The following MYOF variants were observed in gnomAD, a reference collection of about 807,000 sequenced individuals.
The protein encoded by MYOF is fer-1-like 3, myoferlin.
In MYOF, 244 loss-of-function variants were observed where a neutral mutation model predicts 284.2. The ratio of observed to expected loss-of-function variants is 0.86; its 90% CI spans 0.77 to 0.95. MYOF has a LOEUF of 0.95. MYOF is among the 40% of genes least tolerant of loss of function. The pLI is 0.00. For synonymous variants in MYOF, 904 were observed against 919.7 expected (o/e 0.98, Z 0.31); for missense variants, 2,496 against 2,560.6 (o/e 0.97, Z 0.54).
Position 93,377,342 on chromosome 10 carries a change from C to A in MYOF, c.2089G>T (p.Glu697Ter), listed in dbSNP as rs566519894. The A allele has an allele frequency of 6.2e-7, 1 of 1,613,796 alleles. No homozygotes were observed. Among genetic ancestry groups the A allele is most frequent in the Non-Finnish European group, 8.5e-7 (1 of 1,179,858 alleles). The change falls in exon 22 of 54, where the codon GAA (glutamate) becomes TAA (stop). Residue 697 changes from glutamate to a stop codon, truncating the protein, a stop_gained. Transcript: ENST00000359263. LOFTEE classifies it high-confidence loss of function. ...CTGTACCTCGTGTCTTCTATAACTT[C>A]ATCTATCAGCTTCAGCCACAATTCA... ...LAELWLKLID[E>*]VIEDTRYTLP...
rs749320923 is a variant in MYOF at position 93,353,798 on chromosome 10, T to C, written c.3481+13A>G. The C allele has an allele frequency of 1.9e-6, 3 of 1,599,754 alleles. No homozygotes were observed. The highest frequency in any genetic ancestry group is 2.7e-5 in the African/African-American group (2 of 74,182). ...TGTAATCATGTGTAGCATGTAGATT[T>C]TTTTTCCTTTACCTGAAAAGCTATC... On this transcript the variant is annotated intron_variant, in intron 32 of 53. Transcript: ENST00000359263.
chr10:93,479,541 C>T (rs1453968539), intron 1 of MYOF, among the ~76,000 whole-genome samples: 2 of 152,124 alleles, frequency 1.3e-5, no homozygotes, highest in Non-Finnish European at 2.9e-5. Context: ...TGCTATATCC[C>T]CTCCAGCACC....
chr10:93,447,643 G>A (rs1329162099), intron 3 of MYOF, among the ~76,000 whole-genome samples: 1 of 152,136 alleles, frequency 6.6e-6, no homozygotes, highest in African/African-American at 2.4e-5. Flanking sequence ...AATTTTGAGC[G>A]CTAGCTGTCT....
intron 39 of MYOF, chr10:93,338,444 A>C (rs1440239612): frequency 2.2e-6 from 1 of 456,930 alleles, no homozygotes; most frequent in Middle Eastern, 3.3e-4. Flanking sequence ...GTTGTTTAAC[A>C]TCTCTGAGCA....
intron 5 of MYOF, among the ~76,000 whole-genome samples, chr10:93,419,218 C>T (rs371663723): frequency 2.6e-4 from 40 of 152,004 alleles, no homozygotes; most frequent in African/African-American, 9.4e-4. Flanking sequence ...GCTAGAGTGC[C>T]ATGGCGCAAT....
chr10:93,370,189 T>G (rs1403302465), intron 24 of MYOF, among the ~76,000 whole-genome samples: 1 of 152,064 alleles, frequency 6.6e-6, no homozygotes, highest in Non-Finnish European at 1.5e-5. Flanking sequence ...AAAGTAATAG[T>G]AATAATAACA....
At chr10:93,481,811 C>A (rs1230650655) in intron 1 of MYOF, among the ~76,000 whole-genome samples, 1 of 152,170 alleles carries the variant, frequency 6.6e-6, no homozygotes, top group East Asian at 1.9e-4. Context: ...TGAACCAATA[C>A]AGATGTTTGT....
intron 19 of MYOF, 87 bp from the exon 20 acceptor site, chr10:93,381,483 CTAA>C: frequency 7.5e-7 from 1 of 1,338,076 alleles, no homozygotes; most frequent in Non-Finnish European, 1.0e-6. Context: ...AATTCTACAC[CTAA>C]TAATTAGTGC....
chr10:93,471,141 C>T (rs1317267124), intron 1 of MYOF, among the ~76,000 whole-genome samples: 2 of 151,986 alleles, frequency 1.3e-5, no homozygotes, highest in East Asian at 3.9e-4. Context: ...TAATACTTTA[C>T]ATTACAAGAA....
chr10:93,321,356 G>C (rs558274226), intron 48 of MYOF, among the ~76,000 whole-genome samples: 43 of 149,204 alleles, frequency 2.9e-4, no homozygotes, highest in Non-Finnish European at 4.4e-4. Flanking sequence ...TTTCCTTTTT[G>C]CTAGTCAATT....
At chr10:93,447,055 A>T (rs1259932877) in intron 3 of MYOF, among the ~76,000 whole-genome samples, 3 of 152,182 alleles carry the variant, frequency 2.0e-5, no homozygotes, top group African/African-American at 4.8e-5. Context: ...CATAACACCA[A>T]GTGCAACATA....
intron 25 of MYOF, 132 bp downstream of exon 25, chr10:93,369,513 C>T (rs1055414172): frequency 2.3e-5 from 30 of 1,299,514 alleles, no homozygotes; most frequent in Admixed American, 2.3e-5. Context: ...AAGATCCCTT[C>T]GATGGGATTT....
chr10:93,389,244 A>C (rs1336483896), intron 17 of MYOF, 90 bp from the exon 18 acceptor site: 1 of 1,393,350 alleles, frequency 7.2e-7, no homozygotes, highest in Non-Finnish European at 9.4e-7. Context: ...AGGTGAGACT[A>C]TTTTCCTCCA....
intron 51 of MYOF, among the ~76,000 whole-genome samples, chr10:93,311,417 C>A (rs1000650666): frequency 1.3e-5 from 2 of 148,544 alleles, no homozygotes; most frequent in African/African-American, 5.0e-5. Flanking sequence ...CAAGACCAGC[C>A]TGGCCAACAT....
intron 17 of MYOF, 25 bp from the exon 18 acceptor site, chr10:93,389,179 G>C: frequency 3.1e-6 from 5 of 1,605,358 alleles, no homozygotes; most frequent in Non-Finnish European, 4.2e-6. Context: ...TCATCATGAG[G>C]TGTTAGGCTT....
chr10:93,356,751 C>T lies in MYOF; in HGVS notation c.3218G>A (p.Arg1073His), dbSNP rs755201286. 26 of 1,614,050 alleles carry T rather than the reference C, an allele frequency of 1.6e-5. No homozygotes were observed. The highest frequency in any genetic ancestry group is 4.0e-5 in the African/African-American group (3 of 74,924). The change falls in exon 30 of 54, where the codon CGC becomes CAC. Residue 1073 changes from arginine to histidine, a missense_variant. By Grantham distance (29) the Arg-to-His change is conservative (BLOSUM62 0). Coordinates refer to ENST00000359263, the MANE Select transcript of MYOF (RefSeq NM_013451.4). ...AGCCATTTTTCTCCTCCAGCGTCTG[C>T]GGCGGAAGGTATCTGAACTACGTTG... The part of the protein sequence containing the change: ...WKQRSSDTFR[R>H]RRWRRKMAPS...
At position 93,316,730 on chromosome 10, in the gene MYOF, A is replaced by G. The variant is rs375974066; in HGVS notation, c.5682T>C (p.Ser1894=). The G allele has an allele frequency of 5.0e-6, 8 of 1,613,380 alleles. No individual in the cohort carries two copies. The highest frequency in any genetic ancestry group is 1.1e-5 in the South Asian group (1 of 91,064). The stretch of plus-strand genomic sequence containing the variant: ...AAGCCCTACCCAAGTAGTCATCCAG[A>G]GAAAACTTGTCATTGTCCCATATCT... ...IIQIWDNDKF[S]LDDYLGFLEL... is the part of the protein sequence containing the mutation. The change falls in exon 50 of 54, where the codon TCT becomes TCC. Residue 1894 remains serine (S), a synonymous_variant. Transcript: ENST00000359263.
intron 19 of MYOF, among the ~76,000 whole-genome samples, chr10:93,383,503 A>C (rs1846220883): frequency 6.6e-6 from 1 of 152,120 alleles, no homozygotes; most frequent in African/African-American, 2.4e-5. Context: ...TCACCTTGAT[A>C]AGGGAGGATT....
intron 1 of MYOF, among the ~76,000 whole-genome samples, chr10:93,460,561 C>G (rs1049365873): frequency 2.3e-5 from 3 of 130,250 alleles, no homozygotes; most frequent in Non-Finnish European, 4.9e-5. Context: ...CTCAGGAGTT[C>G]GAGACCAGCC....
Sources: gnomAD v4.1 joint callset for allele counts (sites outside exome capture counted in the v4.1 genomes callset) on GRCh38, gnomAD v4.1.1 for gene constraint, MANE v1.5 for transcripts, NCBI Gene and HGNC (gene_info 2026-07-23, HGNC 2026-07-21) for gene names.